Variants in SLC2A5 observed in about 807,000 individuals in gnomAD.
SLC2A5 encodes solute carrier family 2 member 5.
A neutral mutation model predicts 50.3 loss-of-function variants in SLC2A5; 56 were observed. The observed-to-expected ratio is 1.11, with a 90% CI of 0.90 to 1.39. SLC2A5 has a LOEUF of 1.39. Among genes scored for constraint, SLC2A5 ranks in the 40% most tolerant of loss-of-function variants. The pLI is 0.00. For missense variants in SLC2A5, 566 were observed against 650.1 expected (o/e 0.87, Z 1.41); for synonymous variants, 269 against 281.9 (o/e 0.95, Z 0.46).
chr1:9,062,003 T>C (rs1641957252), intron 1 of SLC2A5, among the ~76,000 whole-genome samples: 1 of 152,194 alleles, frequency 6.6e-6, no homozygotes, highest in African/African-American at 2.4e-5. Context: ...ACTGCCTCCC[T>C]GAATTCAAGC....
At chr1:9,074,432 A>G (rs1642258507), upstream of SLC2A5, among the ~76,000 whole-genome samples, 1 of 152,316 alleles carries the variant, frequency 6.6e-6, no homozygotes, top group Admixed American at 6.5e-5. Flanking sequence ...ACATGTTACA[A>G]GAGAAAAGGT....
intron 2 of SLC2A5, among the ~76,000 whole-genome samples, chr1:9,078,729 T>A (rs902801311): frequency 6.6e-6 from 1 of 152,184 alleles, no homozygotes; most frequent in African/African-American, 2.4e-5. Context: ...GAGGCAGCTA[T>A]CAGGAACAAA....
At chr1:9,064,645 C>T (rs910462550) in intron 1 of SLC2A5, among the ~76,000 whole-genome samples, 20 of 152,158 alleles carry the variant, frequency 1.3e-4, no homozygotes, top group African/African-American at 4.3e-4. Flanking sequence ...CTTATTCCCA[C>T]GTGAGCTAAG....
chr1:9,038,780 G>A, intron 9 of SLC2A5, 48 bp downstream of exon 9: 4 of 1,520,434 alleles, frequency 2.6e-6, no homozygotes, highest in Non-Finnish European at 3.5e-6. Context: ...AGGGGCACTG[G>A]TCTTCCTGGT....
At chr1:9,051,082 T>A (rs889161828) in intron 3 of SLC2A5, among the ~76,000 whole-genome samples, 1 of 152,032 alleles carries the variant, frequency 6.6e-6, no homozygotes, top group South Asian at 2.1e-4. Flanking sequence ...CAGTGGCATA[T>A]CAAGGAGGGA....
At chr1:9,070,601 G>C (rs970431613), upstream of SLC2A5, among the ~76,000 whole-genome samples, 3 of 152,154 alleles carry the variant, frequency 2.0e-5, no homozygotes, top group Non-Finnish European at 4.4e-5. Flanking sequence ...ACCAGCGCAA[G>C]TGGCCAAAAT....
At chr1:9,089,676 G>A (rs572670649), upstream of SLC2A5, among the ~76,000 whole-genome samples, 33 of 152,314 alleles carry the variant, frequency 2.2e-4, no homozygotes, top group Non-Finnish European at 4.6e-4. Flanking sequence ...AACCCTGGAC[G>A]CTGGCCAAAG....
intron 1 of SLC2A5, among the ~76,000 whole-genome samples, chr1:9,062,192 C>A (rs902017533): frequency 3.3e-5 from 5 of 152,130 alleles, no homozygotes; most frequent in Admixed American, 3.3e-4. Context: ...AAGACAGCTG[C>A]CCCCAGCAGA....
At chr1:9,053,209 T>A (rs1180242184) in intron 3 of SLC2A5, among the ~76,000 whole-genome samples, 4 of 85,074 alleles carry the variant, frequency 4.7e-5, no homozygotes, top group Non-Finnish European at 8.3e-5. Flanking sequence ...TATATTATAT[T>A]TATATATTAT....
upstream of SLC2A5, among the ~76,000 whole-genome samples, chr1:9,089,633 C>G (rs538880033): frequency 1.3e-5 from 2 of 152,334 alleles, no homozygotes; most frequent in African/African-American, 4.8e-5. Context: ...AGGAAACTCC[C>G]CCACCTCTCT....
At position 9,037,641 on chromosome 1, in the gene SLC2A5, A is replaced by G. The variant is rs372826964; in HGVS notation, c.1451T>C (p.Val484Ala). The stretch of plus-strand genomic sequence containing the variant: ...TTTCAGTTCCTCCTTTTCCGGGTAC[A>G]CTTCAGACACCTTATTCATCTTGGT... ...IFTKMNKVSEVYPEKEELKEL... is the reference protein window; with the variant it reads ...IFTKMNKVSEAYPEKEELKEL... The change falls in exon 12 of 12, where the codon GTG (valine) becomes GCG (alanine). Residue 484 changes from valine (V) to alanine (A), a missense_variant. Val to Ala is a moderately conservative substitution (Grantham distance 64). Transcript: ENST00000377424. The G allele has an allele frequency of 1.1e-5, 18 of 1,614,058 alleles. No homozygotes were observed. The African/African-American group carries it at 2.4e-4, about 22-fold the overall frequency.
upstream of SLC2A5, among the ~76,000 whole-genome samples, chr1:9,089,438 T>A (rs1427874900): frequency 2.6e-5 from 4 of 152,028 alleles, no homozygotes; most frequent in East Asian, 1.9e-4. Flanking sequence ...CTAGAAAAAA[T>A]TATAAAAATT....
intron 3 of SLC2A5, among the ~76,000 whole-genome samples, chr1:9,056,499 T>C (rs1426497312): frequency 6.6e-6 from 1 of 152,048 alleles, no homozygotes; most frequent in Non-Finnish European, 1.5e-5. Flanking sequence ...GTTTTTATTC[T>C]CAGATTCTTT....
chr1:9,085,966 C>T (rs1000190721), intron 1 of SLC2A5, among the ~76,000 whole-genome samples: 3 of 152,176 alleles, frequency 2.0e-5, no homozygotes, highest in Admixed American at 6.5e-5. Context: ...GCTGGAAATG[C>T]TTTCCTCATT....
At chr1:9,079,650 T>C (rs1642331142) in intron 2 of SLC2A5, among the ~76,000 whole-genome samples, 1 of 152,046 alleles carries the variant, frequency 6.6e-6, no homozygotes, top group Admixed American at 6.6e-5. Flanking sequence ...CATGCTTAGC[T>C]AATTTTTTGA....
intron 3 of SLC2A5, among the ~76,000 whole-genome samples, chr1:9,050,891 A>T (rs1438074235): frequency 6.6e-6 from 1 of 152,202 alleles, no homozygotes; most frequent in Non-Finnish European, 1.5e-5. Context: ...GGCAAAGAAG[A>T]TATAACTATC....
Position 9,037,213 on chromosome 1 carries a change from T to G in SLC2A5, c.*373A>C. 1 of 210,272 alleles carries G rather than the reference T, an allele frequency of 4.8e-6. No individual in the cohort carries two copies. Among genetic ancestry groups the G allele is most frequent in the Non-Finnish European group, 9.7e-6 (1 of 103,500 alleles). 13.0% of individuals were successfully genotyped at this position (210,272 alleles called of 1,614,324 possible). Reference sequence around the variant, plus strand: ...CACCAAGTTAGTTTCTCTGGCAAAATTTGATTCCTTCCATCTCACCACTAT... The same window carrying G: ...CACCAAGTTAGTTTCTCTGGCAAAAGTTGATTCCTTCCATCTCACCACTAT... On this transcript the variant is annotated 3_prime_UTR_variant, in exon 12 of 12. Coordinates refer to ENST00000377424, the MANE Select transcript of SLC2A5 (RefSeq NM_003039.3).
intron 1 of SLC2A5, among the ~76,000 whole-genome samples, chr1:9,087,909 C>T (rs1008006667): frequency 6.6e-6 from 1 of 152,138 alleles, no homozygotes; most frequent in Non-Finnish European, 1.5e-5. Context: ...CCAACTGGAA[C>T]ATCCAACATT....
intron 4 of SLC2A5, among the ~76,000 whole-genome samples, chr1:9,046,561 C>T (rs913062398): frequency 6.6e-6 from 1 of 152,010 alleles, no homozygotes; most frequent in Non-Finnish European, 1.5e-5. Flanking sequence ...CTGTTAGCAC[C>T]TTTCTGGTAG....
Sources: gnomAD v4.1 joint callset for allele counts (sites outside exome capture counted in the v4.1 genomes callset) on GRCh38, gnomAD v4.1.1 for gene constraint, MANE v1.5 for transcripts, NCBI Gene and HGNC (gene_info 2026-07-23, HGNC 2026-07-21) for gene names.